Variants in TMEM268 observed in about 807,000 individuals in gnomAD.
TMEM268 encodes transmembrane protein 268.
TMEM268 carries 24 observed loss-of-function variants against 39.1 expected under a neutral mutation model. The observed-to-expected ratio is 0.61, with a 90% CI of 0.44 to 0.86. The LOEUF is 0.86. Among genes scored for constraint, TMEM268 ranks in the 40% least tolerant of loss-of-function variants. TMEM268 has a pLI of 0.00. For synonymous variants in TMEM268, 176 were observed against 173.5 expected, an observed-to-expected ratio of 1.01 and a Z score of -0.12; for missense variants, 409 against 428.6, an observed-to-expected ratio of 0.95 and a Z score of 0.40.
rs1028788438 is a variant in TMEM268 at position 114,645,798 on chromosome 9, C to T, written c.*2485C>T. On this transcript the variant is annotated 3_prime_UTR_variant, in exon 9 of 9. Transcript: ENST00000288502. Reference sequence around the variant, plus strand: ...TGATGGTCTCACCTGGTGGGTGGGGCTTTCAGGGTATGCCCACAATGTACA... The same window carrying T: ...TGATGGTCTCACCTGGTGGGTGGGGTTTTCAGGGTATGCCCACAATGTACA... The T allele has an allele frequency of 2.6e-5, 4 of 152,226 alleles. No homozygotes were observed. The highest frequency in any genetic ancestry group is 6.6e-5 in the Admixed American group (1 of 15,266). 9.4% of individuals were successfully genotyped at this position (152,226 alleles called of 1,614,324 possible).
intron 6 of TMEM268, among the ~76,000 whole-genome samples, chr9:114,634,324 G>C (rs916665432): frequency 6.6e-6 from 1 of 152,216 alleles, no homozygotes; most frequent in Non-Finnish European, 1.5e-5. Context: ...TGAGAGGCAA[G>C]GTACACAGGG....
intron 2 of TMEM268, among the ~76,000 whole-genome samples, chr9:114,621,345 CAA>C (rs34338222): frequency 6.6e-5 from 9 of 135,916 alleles, no homozygotes; most frequent in East Asian, 2.1e-4. Context: ...GATGCTGTCT[CAA>C]AAAAAAAAAA....
rs755052752 is a variant in TMEM268, at chr9:114,617,295, G to C, written c.100G>C (p.Gly34Arg). The change falls in exon 2 of 9, where the codon GGG becomes CGG. Residue 34 changes from glycine (G) to arginine (R), a missense_variant. Coordinates refer to ENST00000288502, the MANE Select transcript of TMEM268 (RefSeq NM_153045.4). ...ALPGGSPPGWGQELHNGQVLT... is the reference protein window; with the variant it reads ...ALPGGSPPGWRQELHNGQVLT... ...GCCTGGAGGGAGCCCTCCTGGCTGG[G>C]GGCAAGGTAAGATCATGACCTTTCA... 1.9e-6 allele frequency: 3 copies of C among 1,611,836 alleles called. No homozygotes were observed. Among genetic ancestry groups the C allele is most frequent in the Non-Finnish European group, 2.5e-6 (3 of 1,178,462 alleles).
chr9:114,606,568 C>T (rs1035338169), upstream of TMEM268, among the ~76,000 whole-genome samples: 4 of 152,152 alleles, frequency 2.6e-5, no homozygotes, highest in African/African-American at 9.7e-5. Flanking sequence ...AACTTTATAC[C>T]AGGTGGCATT....
At chr9:114,638,959 T>G (rs1229151308) in intron 8 of TMEM268, among the ~76,000 whole-genome samples, 2 of 152,330 alleles carry the variant, frequency 1.3e-5, no homozygotes, top group Non-Finnish European at 2.9e-5. Context: ...TTATTTAATA[T>G]CTTGGATATT....
chr9:114,643,458 G>T lies in TMEM268; in HGVS notation c.*145G>T, dbSNP rs1199288251. ...GGGGCCTGTGATGTCAGCCACTGGG[G>T]TGTTGTGCTCACTTCAGGGCCCAGC... On this transcript the variant is annotated 3_prime_UTR_variant, in exon 9 of 9. Transcript: ENST00000288502. The T allele has an allele frequency of 2.9e-6, 2 of 681,322 alleles. No individual in the cohort carries two copies. Among genetic ancestry groups the T allele is most frequent in the Admixed American group, 5.7e-5 (2 of 34,924 alleles). 42.2% of individuals were successfully genotyped at this position (681,322 alleles called of 1,614,324 possible).
At chr9:114,605,387 G>A in the TMEM268 span, among the ~76,000 whole-genome samples, 1 of 151,810 alleles carries the variant, frequency 6.6e-6, no homozygotes, top group African/African-American at 2.4e-5. Flanking sequence ...GGTCTTAAGA[G>A]GCAGGTTAAG....
intron 5 of TMEM268, among the ~76,000 whole-genome samples, chr9:114,632,098 CA>C (rs57460241): frequency 0.029 from 2,273 of 77,340 alleles, 32 homozygotes; most frequent in African/African-American, 0.087. Context: ...ACTAGGTCTC[CA>C]AAAAAAAAAA....
intron 8 of TMEM268, among the ~76,000 whole-genome samples, chr9:114,642,240 C>T (rs116695692): frequency 0.017 from 2,645 of 152,256 alleles, 103 homozygotes; most frequent in South Asian, 0.078. Flanking sequence ...TTTACTTTCT[C>T]TCCCTGTGAA....
At chr9:114,630,044 G>T (rs1163484422) in intron 5 of TMEM268, among the ~76,000 whole-genome samples, 1 of 152,202 alleles carries the variant, frequency 6.6e-6, no homozygotes, top group Admixed American at 6.5e-5. Flanking sequence ...AAGCAAAAAA[G>T]ATTGGCACCT....
intron 5 of TMEM268, among the ~76,000 whole-genome samples, chr9:114,632,963 A>G (rs994850725): frequency 1.3e-5 from 2 of 152,146 alleles, no homozygotes; most frequent in Non-Finnish European, 2.9e-5. Flanking sequence ...TATTGAATTT[A>G]CTGTTCCAAC....
chr9:114,632,910 A>G (rs932595595), intron 5 of TMEM268, among the ~76,000 whole-genome samples: 1 of 152,234 alleles, frequency 6.6e-6, no homozygotes, highest in African/African-American at 2.4e-5. Flanking sequence ...CCATATAGCT[A>G]GGAAGCAGCA....
At chr9:114,638,490 G>C (rs755371404) in intron 7 of TMEM268, 54 bp from the exon 8 acceptor site, 1 of 1,391,008 alleles carries the variant, frequency 7.2e-7, no homozygotes, top group Non-Finnish European at 9.6e-7. Flanking sequence ...ACTCAGCCTC[G>C]CAGATACCAC....
At chr9:114,626,592 G>C (rs1846169675) in intron 3 of TMEM268, among the ~76,000 whole-genome samples, 2 of 152,224 alleles carry the variant, frequency 1.3e-5, no homozygotes, top group African/African-American at 4.8e-5. Context: ...GCACATGAGT[G>C]GCAGGGCCAG....
rs778486904 is a variant in TMEM268 at position 114,628,159 on chromosome 9, G to A, written c.383G>A (p.Gly128Glu). The A allele has an allele frequency of 3.1e-6, 5 of 1,614,174 alleles. No homozygotes were observed. The Admixed American group carries it at 8.3e-5, about 27-fold the overall frequency. ...IYSTSQMFAL[G>E]NHWAGMLLVT... ...TCTACCAGTCAGATGTTTGCCTTGG[G>A]GAACCACTGGGCTGGCATGCTGCTC... The change falls in exon 5 of 9, where the codon GGG (glycine) becomes GAG (glutamate). Residue 128 changes from glycine to glutamate, a missense_variant. Physicochemically the swap from Gly to Glu is moderately conservative, Grantham distance 98. Coordinates refer to ENST00000288502, the MANE Select transcript of TMEM268 (RefSeq NM_153045.4).
At chr9:114,626,720 G>C (rs949744707) in intron 3 of TMEM268, among the ~76,000 whole-genome samples, 179 bp from the exon 4 acceptor site, 2 of 152,088 alleles carry the variant, frequency 1.3e-5, no homozygotes, top group Non-Finnish European at 2.9e-5. Flanking sequence ...ATGTCATGAT[G>C]CCTGTTCTTC....
intron 5 of TMEM268, among the ~76,000 whole-genome samples, chr9:114,632,823 C>T (rs1285409737): frequency 6.6e-6 from 1 of 152,150 alleles, no homozygotes; most frequent in Non-Finnish European, 1.5e-5. Flanking sequence ...TCACTCCATT[C>T]CTAGGAGGCA....
chr9:114,620,935 A>G (rs917335872), intron 2 of TMEM268, among the ~76,000 whole-genome samples: 5 of 151,906 alleles, frequency 3.3e-5, no homozygotes, highest in African/African-American at 1.2e-4. Flanking sequence ...CCAAAAAAAA[A>G]CAGGAGAGAG....
rs150729223 is a variant in TMEM268, at chr9:114,642,419, G to A, written c.850-715G>A. Reference sequence around the variant, plus strand: ...GTAAGCAGTTTCTTTTAATATGTTAGGAGTACTTGTGTAAAGAAATCTACC... The same window carrying A: ...GTAAGCAGTTTCTTTTAATATGTTAAGAGTACTTGTGTAAAGAAATCTACC... On this transcript the variant is annotated intron_variant, in intron 8 of 8. Transcript: ENST00000288502. 2.0e-3 allele frequency among the ~76,000 whole-genome samples: 308 copies of A among 151,608 alleles called. 2 individuals are homozygous for A. The highest frequency in any genetic ancestry group is 7.1e-3 in the African/African-American group (293 of 41,280).
Sources: allele counts gnomAD v4.1 joint callset (sites outside exome capture counted in the v4.1 genomes callset), GRCh38; gene constraint gnomAD v4.1.1; transcripts MANE v1.5; gene names NCBI Gene and HGNC (gene_info 2026-07-23, HGNC 2026-07-21).